The following AMPH variants were observed in gnomAD, a reference collection of about 807,000 sequenced individuals.
AMPH encodes amphiphysin (Stiff-Mann syndrome with breast cancer 128kD autoantigen).
A neutral mutation model predicts 99.1 loss-of-function variants in AMPH; 49 were observed. The ratio of observed to expected loss-of-function variants is 0.49; its 90% CI spans 0.39 to 0.63. The LOEUF is 0.63. Ranked by LOEUF, AMPH falls within the 20% of genes least tolerant of loss-of-function variation. The pLI, the probability that AMPH is intolerant of heterozygous loss-of-function variation, is 0.00. For synonymous variants in AMPH, 314 were observed against 317.3 expected, an observed-to-expected ratio of 0.99 and a Z score of 0.11; for missense variants, 759 against 863.4, an observed-to-expected ratio of 0.88 and a Z score of 1.52.
At chr7:38,566,250 T>A (rs1281333454) in intron 1 of AMPH, among the ~76,000 whole-genome samples, 1 of 152,284 alleles carries the variant, frequency 6.6e-6, no homozygotes, top group East Asian at 1.9e-4. Flanking sequence ...GTTGTCAGGC[T>A]ATCAAGGAGC....
intron 11 of AMPH, among the ~76,000 whole-genome samples, chr7:38,457,695 A>G (rs6943730): frequency 0.26 from 39,200 of 152,134 alleles, 5,515 homozygotes; most frequent in East Asian, 0.48. Flanking sequence ...TCCAGATATA[A>G]GAAGCCCAAA....
intron 17 of AMPH, among the ~76,000 whole-genome samples, chr7:38,416,126 T>TATATATATATATATATATATATAA (rs70975100): frequency 7.6e-6 from 1 of 132,406 alleles, no homozygotes; most frequent in Non-Finnish European, 1.6e-5. Context: ...TATATATATA[T>TATATATATATATATATATATATAA]TAGCTATTAC....
chr7:38,610,360 AAAGAAAAG>A (rs1210598808), intron 1 of AMPH, among the ~76,000 whole-genome samples: 1 of 51,256 alleles, frequency 2.0e-5, no homozygotes, highest in Non-Finnish European at 4.3e-5. Context: ...AAAGAAAAGA[AAAGAAAAG>A]AAAAGAAAGG....
intron 1 of AMPH, among the ~76,000 whole-genome samples, chr7:38,589,013 TA>T (rs1307018058): frequency 1.3e-5 from 2 of 152,160 alleles, no homozygotes; most frequent in African/African-American, 4.8e-5. Flanking sequence ...ATTATAAGAA[TA>T]ATTATGATTT....
At chr7:38,606,150 G>C (rs560622375) in intron 1 of AMPH, among the ~76,000 whole-genome samples, 3 of 152,132 alleles carry the variant, frequency 2.0e-5, no homozygotes, top group Non-Finnish European at 4.4e-5. Context: ...CCATGCTTTA[G>C]GTTTTGGGGT....
intron 2 of AMPH, among the ~76,000 whole-genome samples, chr7:38,525,358 T>G (rs1437011052): frequency 6.7e-6 from 1 of 148,542 alleles, no homozygotes; most frequent in East Asian, 2.0e-4. Flanking sequence ...CAGCGACATT[T>G]TACAAAATTA....
At chr7:38,464,016 C>A (rs534249651) in intron 9 of AMPH, 67 of 1,261,882 alleles carry the variant, frequency 5.3e-5, no homozygotes, top group Middle Eastern at 4.3e-4. Context: ...GGGTCATATG[C>A]CAGCAATCAT....
At chr7:38,590,296 A>G (rs561383286) in intron 1 of AMPH, among the ~76,000 whole-genome samples, 20 of 152,270 alleles carry the variant, frequency 1.3e-4, no homozygotes, top group African/African-American at 4.8e-4. Context: ...CCCAATCAGG[A>G]GCAGCAACGG....
chr7:38,393,787 C>T (rs186273915), intron 18 of AMPH, among the ~76,000 whole-genome samples: 1 of 152,278 alleles, frequency 6.6e-6, no homozygotes, highest in Admixed American at 6.5e-5. Flanking sequence ...CCCAGTCAGC[C>T]ACAGGCCCTG....
chr7:38,461,289 A>G lies in AMPH; in HGVS notation c.1011T>C (p.Pro337=). The G allele has an allele frequency of 6.2e-7, 1 of 1,613,734 alleles. No individual in the cohort carries two copies. Among genetic ancestry groups the G allele is most frequent in the African/African-American group, 1.3e-5 (1 of 74,906 alleles). The change falls in exon 11 of 21, where the codon CCT becomes CCC. Residue 337 remains proline, a synonymous_variant. Coordinates refer to ENST00000356264, the MANE Select transcript of AMPH (RefSeq NM_001635.4). Reference sequence around the variant, plus strand: ...CCCTGAACCAGGCACTTACCTGGGAAGGTGTTGTCACACTGATTTCTGGAA... The same window carrying G: ...CCCTGAACCAGGCACTTACCTGGGAGGGTGTTGTCACACTGATTTCTGGAA... ...NFVPEISVTT[P]SQNEVPEVKK...
At chr7:38,400,977 T>G (rs999585183) in intron 17 of AMPH, among the ~76,000 whole-genome samples, 13 of 152,176 alleles carry the variant, frequency 8.5e-5, no homozygotes, top group African/African-American at 3.1e-4. Context: ...TATGGTAACA[T>G]TTTGATATAT....
intron 1 of AMPH, among the ~76,000 whole-genome samples, chr7:38,616,334 C>T (rs749697646): frequency 2.4e-4 from 36 of 152,106 alleles, no homozygotes; most frequent in Admixed American, 2.2e-3. Context: ...TACAACTCAG[C>T]GAAATCAAAC....
At chr7:38,597,622 C>T (rs1226833952) in intron 1 of AMPH, among the ~76,000 whole-genome samples, 4 of 152,018 alleles carry the variant, frequency 2.6e-5, no homozygotes, top group Non-Finnish European at 5.9e-5. Context: ...TTTATCAACT[C>T]TCACAAGCAG....
chr7:38,592,174 G>T (rs1471988883), intron 1 of AMPH, among the ~76,000 whole-genome samples: 1 of 152,236 alleles, frequency 6.6e-6, no homozygotes, highest in Admixed American at 6.5e-5. Context: ...TCATGCTATT[G>T]TTTGTGATTC....
intron 12 of AMPH, among the ~76,000 whole-genome samples, chr7:38,434,243 A>G (rs1159978309): frequency 6.6e-6 from 1 of 152,326 alleles, no homozygotes; most frequent in Non-Finnish European, 1.5e-5. Flanking sequence ...TGAAGATTAA[A>G]CCAAGGTCAT....
chr7:38,496,760 C>A (rs1788947831), intron 3 of AMPH, among the ~76,000 whole-genome samples: 1 of 152,116 alleles, frequency 6.6e-6, no homozygotes, highest in African/African-American at 2.4e-5. Context: ...CACTAGTGGA[C>A]CCCCTTCTAT....
At chr7:38,551,803 T>C (rs1791192587) in intron 1 of AMPH, among the ~76,000 whole-genome samples, 1 of 152,172 alleles carries the variant, frequency 6.6e-6, no homozygotes, top group Non-Finnish European at 1.5e-5. Flanking sequence ...GCCTATGAAA[T>C]GTTAAGCAAC....
At chr7:38,584,521 T>C (rs746940830) in intron 1 of AMPH, among the ~76,000 whole-genome samples, 4 of 152,214 alleles carry the variant, frequency 2.6e-5, no homozygotes, top group Admixed American at 6.5e-5. Flanking sequence ...ATGCCGTCCA[T>C]GAGGGGATGT....
At position 38,599,990 on chromosome 7, in the gene AMPH, G is replaced by A. The variant is rs1255891545; in HGVS notation, c.69+31293C>T. 2.6e-5 allele frequency among the ~76,000 whole-genome samples: 4 copies of A among 151,842 alleles called. No individual in the cohort carries two copies. The East Asian group carries it at 7.7e-4, about 29-fold the overall frequency. Reference sequence around the variant, plus strand: ...TTTCTTATAATATATTCCTAAGAGTGGAATCACTGAATCAAAAGTTGTAAG... The same window carrying A: ...TTTCTTATAATATATTCCTAAGAGTAGAATCACTGAATCAAAAGTTGTAAG... On this transcript the variant is annotated intron_variant, in intron 1 of 20. Coordinates refer to ENST00000356264, the MANE Select transcript of AMPH (RefSeq NM_001635.4).
Sources: gnomAD v4.1 joint callset for allele counts (sites outside exome capture counted in the v4.1 genomes callset) on GRCh38, gnomAD v4.1.1 for gene constraint, MANE v1.5 for transcripts, NCBI Gene and HGNC (gene_info 2026-07-23, HGNC 2026-07-21) for gene names.